The following MTMR7 variants were observed in gnomAD, a reference collection of about 807,000 sequenced individuals.
MTMR7 encodes the protein myotubularin related protein 7, also known as phosphatidylinositol-3-phosphate phosphatase MTMR7.
A neutral mutation model predicts 81.2 loss-of-function variants in MTMR7; 76 were observed. The ratio of observed to expected loss-of-function variants is 0.94; its 90% CI spans 0.78 to 1.13. MTMR7 has a LOEUF of 1.13. MTMR7 is among the 50% of genes most tolerant of loss of function. MTMR7 has a pLI of 0.00. For synonymous variants in MTMR7, 372 were observed against 289.8 expected, an observed-to-expected ratio of 1.28 and a Z score of -2.88; for missense variants, 1,044 against 820.0, an observed-to-expected ratio of 1.27 and a Z score of -3.34.
intron 7 of MTMR7, among the ~76,000 whole-genome samples, chr8:17,327,626 G>C (rs1172444552): frequency 7.8e-6 from 1 of 127,884 alleles, no homozygotes; most frequent in Non-Finnish European, 1.5e-5. Context: ...TAGTCCCTAA[G>C]AGGAAGAAAC....
intron 7 of MTMR7, 105 bp from the exon 8 acceptor site, chr8:17,313,506 G>A: frequency 1.5e-6 from 1 of 686,466 alleles, no homozygotes; most frequent in Non-Finnish European, 2.4e-6. Flanking sequence ...GTTGTATTAG[G>A]TATTTTCTGG....
intron 9 of MTMR7, 114 bp from the exon 10 acceptor site, chr8:17,309,440 T>G: frequency 1.4e-6 from 1 of 736,486 alleles, no homozygotes; most frequent in Non-Finnish European, 2.4e-6. Context: ...CATCCTCGAG[T>G]AACCTGCAAA....
chr8:17,342,378 G>C (rs370183982), intron 5 of MTMR7, among the ~76,000 whole-genome samples: 1 of 152,166 alleles, frequency 6.6e-6, no homozygotes, highest in Non-Finnish European at 1.5e-5. Flanking sequence ...AAGAATGCAG[G>C]CAGTGACAGA....
At chr8:17,368,304 G>A (rs1039412285) in intron 3 of MTMR7, among the ~76,000 whole-genome samples, 1 of 152,188 alleles carries the variant, frequency 6.6e-6, no homozygotes, top group African/African-American at 2.4e-5. Context: ...GCCATAGACT[G>A]GTACCTGTCT....
At chr8:17,332,847 T>C (rs921621684) in intron 6 of MTMR7, among the ~76,000 whole-genome samples, 3 of 152,182 alleles carry the variant, frequency 2.0e-5, no homozygotes, top group African/African-American at 7.2e-5. Flanking sequence ...TTTGCGTGTT[T>C]ATCAAGCAGA....
intron 12 of MTMR7, among the ~76,000 whole-genome samples, chr8:17,303,133 G>A (rs73210203): frequency 0.079 from 11,984 of 152,218 alleles, 635 homozygotes; most frequent in South Asian, 0.2. Context: ...TACTTTGAGG[G>A]CAAGGACTTG....
rs1443215058 is a variant in MTMR7 at position 17,299,953 on chromosome 8, C to T, written c.1892G>A (p.Ser631Asn). The T allele has an allele frequency of 5.0e-6, 8 of 1,614,150 alleles. No individual in the cohort carries two copies. The highest frequency in any genetic ancestry group is 6.8e-6 in the Non-Finnish European group (8 of 1,180,018). Reference protein sequence around the residue: ...SDQESGVEDLSCRSPSGGEHA... With the variant: ...SDQESGVEDLNCRSPSGGEHA... The stretch of plus-strand genomic sequence containing the variant: ...CTCACCACCACTTGGAGACCGACAG[C>T]TCAAATCCTCCACCCCGGACTCTTG... Residue 631 changes from serine to asparagine, a missense_variant, in exon 14 of 14, where the codon AGC (serine) becomes AAC (asparagine). Physicochemically the swap from Ser to Asn is conservative, Grantham distance 46 (BLOSUM62 1). Coordinates refer to ENST00000180173, the MANE Select transcript of MTMR7 (RefSeq NM_004686.5).
intron 3 of MTMR7, among the ~76,000 whole-genome samples, chr8:17,368,778 G>C (rs902481495): frequency 2.0e-5 from 3 of 152,160 alleles, no homozygotes; most frequent in African/African-American, 7.2e-5. Context: ...TAATGCCCAT[G>C]TTTCAAAATG....
rs770217035 is a variant in MTMR7, at chr8:17,305,770, T to G, written c.1339A>C (p.Arg447=). The G allele has an allele frequency of 2.2e-5, 36 of 1,611,096 alleles. No individual in the cohort carries two copies. The highest frequency in any genetic ancestry group is 5.5e-5 in the South Asian group (5 of 90,944). ...CAAAACACTTACTTGAGTTCTCGTC[T>G]CTCCTTTTGGCTGTTACATAGGAAG... ...GNFLCNSQKE[R]RELKIQERTY... The change falls in exon 11 of 14, where the codon AGA becomes CGA. Residue 447 remains arginine (R), a synonymous_variant. Coordinates refer to ENST00000180173, the MANE Select transcript of MTMR7 (RefSeq NM_004686.5).
intron 4 of MTMR7, 140 bp downstream of exon 4, chr8:17,360,977 T>C: frequency 1.1e-6 from 1 of 932,792 alleles, no homozygotes; most frequent in Non-Finnish European, 1.6e-6. Flanking sequence ...CAGCTGGCAC[T>C]AACCAAGAGA....
chr8:17,367,303 A>G (rs2150561971), intron 3 of MTMR7, among the ~76,000 whole-genome samples: 1 of 152,280 alleles, frequency 6.6e-6, no homozygotes, highest in Non-Finnish European at 1.5e-5. Flanking sequence ...AAGTACCCAC[A>G]AACACTAAGG....
At chr8:17,302,468 C>T in intron 12 of MTMR7, 188 bp from the exon 13 acceptor site, 1 of 535,390 alleles carries the variant, frequency 1.9e-6, no homozygotes, top group Non-Finnish European at 3.2e-6. Flanking sequence ...TCAGTAAATG[C>T]CTTTTGGGGA....
chr8:17,364,454 C>T (rs1178861114), intron 3 of MTMR7, among the ~76,000 whole-genome samples: 1 of 152,176 alleles, frequency 6.6e-6, no homozygotes, highest in Non-Finnish European at 1.5e-5. Flanking sequence ...TTACTCTTAG[C>T]GTTTCGAAAT....
intron 4 of MTMR7, among the ~76,000 whole-genome samples, chr8:17,359,388 A>C (rs1172496334): frequency 6.6e-6 from 1 of 152,020 alleles, no homozygotes; most frequent in Non-Finnish European, 1.5e-5. Context: ...GCTTGAGCCC[A>C]GGAATTCGAG....
At chr8:17,395,598 CTTTT>C (rs1821222958) in intron 1 of MTMR7, among the ~76,000 whole-genome samples, 1 of 152,212 alleles carries the variant, frequency 6.6e-6, no homozygotes, top group Admixed American at 6.5e-5. Flanking sequence ...TTCTTTCTTT[CTTTT>C]TAAGTAATAG....
rs1816887521 is a variant in MTMR7 at position 17,298,499 on chromosome 8, T to C, written c.*1363A>G. The stretch of plus-strand genomic sequence containing the variant: ...TACTAGAGAGATCAGCAATGTTGCT[T>C]TCTTGCCCTCGTCCTCATTTCAGCG... On this transcript the variant is annotated 3_prime_UTR_variant, in exon 14 of 14. Coordinates refer to ENST00000180173, the MANE Select transcript of MTMR7 (RefSeq NM_004686.5). The C allele has an allele frequency of 6.6e-6, 1 of 152,522 alleles. No homozygotes were observed. The highest frequency in any genetic ancestry group is 1.5e-5 in the Non-Finnish European group (1 of 67,962). The allele number at this position is 152,522 out of a possible 1,614,324, so 9.4% of individuals were successfully genotyped here.
At chr8:17,313,929 T>C (rs528450342) in intron 7 of MTMR7, among the ~76,000 whole-genome samples, 83 of 152,264 alleles carry the variant, frequency 5.5e-4, no homozygotes, top group Middle Eastern at 6.8e-3. Flanking sequence ...CCCCACCCAA[T>C]GGGAGTAAGG....
chr8:17,382,681 G>A (rs1294479459), intron 1 of MTMR7, among the ~76,000 whole-genome samples: 1 of 152,126 alleles, frequency 6.6e-6, no homozygotes, highest in East Asian at 1.9e-4. Flanking sequence ...GTCAGAAAGT[G>A]CCTGAGTGAT....
Position 17,299,065 on chromosome 8 carries a change from T to C in MTMR7, c.*797A>G, listed in dbSNP as rs960912706. The C allele has an allele frequency of 5.3e-5, 8 of 152,220 alleles. No homozygotes were observed. The highest frequency in any genetic ancestry group is 1.2e-4 in the African/African-American group (5 of 41,458). 9.4% of individuals were successfully genotyped at this position (152,220 alleles called of 1,614,324 possible). The stretch of plus-strand genomic sequence containing the variant: ...GCTGGTGGCTGGCCCACACTGTCGG[T>C]AGTGTAGTCTCTAGAACAGTAATAA... On this transcript the variant is annotated 3_prime_UTR_variant, in exon 14 of 14. Coordinates refer to ENST00000180173, the MANE Select transcript of MTMR7 (RefSeq NM_004686.5).
Sources: gnomAD v4.1 joint callset for allele counts (sites outside exome capture counted in the v4.1 genomes callset) on GRCh38, gnomAD v4.1.1 for gene constraint, MANE v1.5 for transcripts, NCBI Gene and HGNC (gene_info 2026-07-23, HGNC 2026-07-21) for gene names.